The following MLLT3 variants were observed in gnomAD, a reference collection of about 807,000 sequenced individuals.
MLLT3 encodes MLLT3 super elongation complex subunit.
A neutral mutation model predicts 53.2 loss-of-function variants in MLLT3; 4 were observed. The ratio of observed to expected loss-of-function variants is 0.08; its 90% CI spans 0.04 to 0.17. MLLT3 has a LOEUF of 0.17. Ranked by LOEUF, MLLT3 falls within the 10% of genes least tolerant of loss-of-function variation. MLLT3 has a pLI of 1.00. For synonymous variants in MLLT3, 283 were observed against 230.6 expected (o/e 1.23, Z -2.06); for missense variants, 569 against 684.0 (o/e 0.83, Z 1.87).
intron 2 of MLLT3, among the ~76,000 whole-genome samples, chr9:20,587,032 C>T (rs1243926125): frequency 6.6e-6 from 1 of 151,842 alleles, no homozygotes; most frequent in Non-Finnish European, 1.5e-5. Flanking sequence ...TCAGGAGAAG[C>T]CAGCCAATTA....
intron 4 of MLLT3, among the ~76,000 whole-genome samples, chr9:20,440,997 T>C (rs1249236484): frequency 6.6e-6 from 1 of 152,104 alleles, no homozygotes. Context: ...CAGAAAGAAA[T>C]GGGGCACACC....
chr9:20,581,239 T>C (rs985324891), intron 2 of MLLT3, among the ~76,000 whole-genome samples: 13 of 152,290 alleles, frequency 8.5e-5, no homozygotes, highest in African/African-American at 3.1e-4. Context: ...AGTGGTAAGT[T>C]AGTGTTTATT....
chr9:20,560,047 T>A (rs894576029), intron 2 of MLLT3, among the ~76,000 whole-genome samples: 18 of 152,164 alleles, frequency 1.2e-4, no homozygotes, highest in African/African-American at 3.4e-4. Flanking sequence ...ACTATAAACC[T>A]GTACTTTTCA....
intron 4 of MLLT3, among the ~76,000 whole-genome samples, chr9:20,437,676 TA>T (rs1345852802): frequency 6.6e-6 from 1 of 152,214 alleles, no homozygotes; most frequent in African/African-American, 2.4e-5. Context: ...CCAAATCAGA[TA>T]AAGTACATCT....
intron 10 of MLLT3, among the ~76,000 whole-genome samples, chr9:20,350,477 C>T (rs2118595560): frequency 6.6e-6 from 1 of 150,506 alleles, no homozygotes; most frequent in African/African-American, 2.5e-5. Flanking sequence ...CGCCTGTAGT[C>T]CCAGCTACTT....
chr9:20,520,230 G>GA (rs1818024359), intron 2 of MLLT3, among the ~76,000 whole-genome samples: 1 of 151,930 alleles, frequency 6.6e-6, no homozygotes, highest in Admixed American at 6.6e-5. Flanking sequence ...GAGAGGATCA[G>GA]AAAAAATAAC....
chr9:20,535,434 A>G (rs866205096), intron 2 of MLLT3, among the ~76,000 whole-genome samples: 1 of 152,128 alleles, frequency 6.6e-6, no homozygotes, highest in African/African-American at 2.4e-5. Flanking sequence ...CACAGGGTCA[A>G]TCAGGTCTAC....
intron 5 of MLLT3, among the ~76,000 whole-genome samples, chr9:20,405,864 C>A (rs1315002886): frequency 1.3e-5 from 2 of 152,136 alleles, no homozygotes; most frequent in Non-Finnish European, 2.9e-5. Context: ...GTAATCCCAG[C>A]ACGTTGGGAG....
intron 2 of MLLT3, among the ~76,000 whole-genome samples, chr9:20,569,105 G>A (rs775252081): frequency 6.6e-6 from 1 of 152,034 alleles, no homozygotes; most frequent in Non-Finnish European, 1.5e-5. Flanking sequence ...CCATGCTCAC[G>A]ACCAAGGGGA....
chr9:20,421,824 C>G (rs142313279), intron 4 of MLLT3, among the ~76,000 whole-genome samples: 1 of 151,968 alleles, frequency 6.6e-6, no homozygotes, highest in African/African-American at 2.4e-5. Flanking sequence ...AAAGAATCAA[C>G]CCATCAATTG....
At chr9:20,535,354 C>T (rs1451657804) in intron 2 of MLLT3, among the ~76,000 whole-genome samples, 3 of 152,090 alleles carry the variant, frequency 2.0e-5, no homozygotes, top group African/African-American at 4.8e-5. Flanking sequence ...GAAACCAGTC[C>T]CTGGTGCCAA....
intron 2 of MLLT3, among the ~76,000 whole-genome samples, chr9:20,464,161 A>G (rs954658398): frequency 6.6e-5 from 10 of 151,726 alleles, no homozygotes; most frequent in African/African-American, 2.4e-4. Context: ...CATTGCTAAA[A>G]CTGGAACTGT....
At chr9:20,619,251 C>T (rs1214418393) in intron 2 of MLLT3, among the ~76,000 whole-genome samples, 1 of 152,196 alleles carries the variant, frequency 6.6e-6, no homozygotes, top group Non-Finnish European at 1.5e-5. Flanking sequence ...TTCTAGCCCT[C>T]TATAAGAAAC....
intron 2 of MLLT3, among the ~76,000 whole-genome samples, chr9:20,581,327 TAAAC>T (rs1360799909): frequency 1.3e-5 from 2 of 152,182 alleles, no homozygotes; most frequent in South Asian, 2.1e-4. Flanking sequence ...AAAGAGGTGT[TAAAC>T]AAATTCTTTC....
intron 2 of MLLT3, among the ~76,000 whole-genome samples, chr9:20,467,679 C>A (rs1306615402): frequency 6.6e-6 from 1 of 152,056 alleles, no homozygotes; most frequent in East Asian, 1.9e-4. Context: ...GCAAAGGTAA[C>A]CAAATAATGC....
In MLLT3 at chr9:20,622,306, C is replaced by T; in HGVS notation, c.-50G>A. On this transcript the variant is annotated 5_prime_UTR_variant, in exon 1 of 11. Transcript: ENST00000380338. ...GGGTGTTGTGTGGTACCCCCCCCTC[C>T]TCCGCCCCCCCTCAGCTGTAATTCA... 1.3e-6 allele frequency: 2 copies of T among 1,487,814 alleles called. No individual in the cohort carries two copies. The highest frequency in any genetic ancestry group is 1.8e-6 in the Non-Finnish European group (2 of 1,105,840). 92.2% of individuals were successfully genotyped at this position (1,487,814 alleles called of 1,614,324 possible).
chr9:20,363,428 A>G (rs1239551787), intron 7 of MLLT3, 48 bp downstream of exon 7: 34 of 1,604,906 alleles, frequency 2.1e-5, no homozygotes, highest in African/African-American at 5.4e-5. Context: ...GGCTTGTGAA[A>G]GAGTCTGACT....
chr9:20,498,205 G>C (rs1377728632), intron 2 of MLLT3, among the ~76,000 whole-genome samples: 1 of 117,850 alleles, frequency 8.5e-6, no homozygotes, highest in Non-Finnish European at 1.6e-5. Context: ...TCCAGCCTAG[G>C]TGACAGAGCG....
intron 5 of MLLT3, among the ~76,000 whole-genome samples, chr9:20,376,316 T>C (rs1183368778): frequency 6.6e-6 from 1 of 152,192 alleles, no homozygotes. Context: ...ATTTAGCCTC[T>C]TGAGTTCTTA....
Sources: allele counts gnomAD v4.1 joint callset (sites outside exome capture counted in the v4.1 genomes callset), GRCh38; gene constraint gnomAD v4.1.1; transcripts MANE v1.5; gene names NCBI Gene and HGNC (gene_info 2026-07-23, HGNC 2026-07-21).